WDR20: variants seen among roughly 807,000 people sequenced by gnomAD.
The protein encoded by WDR20 is WD repeat-containing protein 20.
Under a neutral mutation model 38.7 loss-of-function variants are expected in WDR20, and 3 were observed. That is an observed-to-expected ratio of 0.08 (90% CI 0.04 to 0.20). The LOEUF (loss-of-function observed/expected upper bound fraction) is 0.20, where lower values mean the gene tolerates loss of function less well. Ranked by LOEUF, WDR20 falls within the 10% of genes least tolerant of loss-of-function variation. The probability of loss-of-function intolerance (pLI) is 1.00; values close to 1 mark genes in which losing one functional copy is unlikely to be tolerated. For synonymous variants in WDR20, 298 were observed against 285.6 expected, an observed-to-expected ratio of 1.04 and a Z score of -0.44; for missense variants, 559 against 727.7, an observed-to-expected ratio of 0.77 and a Z score of 2.67.
intron 2 of WDR20, among the ~76,000 whole-genome samples, chr14:102,199,600 C>A (rs1026502108): frequency 5.9e-5 from 9 of 152,170 alleles, no homozygotes; most frequent in African/African-American, 2.2e-4. Context: ...TCAGACCCAC[C>A]TGTTACCACA....
chr14:102,189,721 CAGAA>C (rs1353032529), intron 1 of WDR20, among the ~76,000 whole-genome samples: 3 of 152,046 alleles, frequency 2.0e-5, no homozygotes, highest in Non-Finnish European at 4.4e-5. Context: ...TAGAATCTAT[CAGAA>C]AGCTGAAAAA....
chr14:102,217,504 T>TTAA (rs748031935), downstream of WDR20, among the ~76,000 whole-genome samples: 1 of 151,874 alleles, frequency 6.6e-6, no homozygotes, highest in Non-Finnish European at 1.5e-5. Flanking sequence ...AGTGGACAGG[T>TTAA]TAAAGCTGGC....
At chr14:102,151,072 G>A (rs2055617293) in intron 1 of WDR20, among the ~76,000 whole-genome samples, 1 of 151,964 alleles carries the variant, frequency 6.6e-6, no homozygotes, top group Non-Finnish European at 1.5e-5. Context: ...ACTGAACATT[G>A]CCTATTAATA....
chr14:102,204,794 T>A (rs2061208105), intron 2 of WDR20, among the ~76,000 whole-genome samples: 1 of 152,228 alleles, frequency 6.6e-6, no homozygotes, highest in Non-Finnish European at 1.5e-5. Context: ...TACTCACACA[T>A]GTGAAAAGTG....
chr14:102,193,787 G>A (rs2058948774), intron 1 of WDR20, among the ~76,000 whole-genome samples: 1 of 152,192 alleles, frequency 6.6e-6, no homozygotes, highest in Non-Finnish European at 1.5e-5. Flanking sequence ...GAGAACTAGA[G>A]CCGGGAGCCC....
rs2060974898 is a variant in WDR20 at position 102,172,203 on chromosome 14, C to T, written c.250-22735C>T. Among the ~76,000 whole-genome samples, 5 of 151,102 alleles carry T rather than the reference C, an allele frequency of 3.3e-5. 1 individual carries two copies. The highest frequency in any genetic ancestry group is 2.6e-4 in the Admixed American group (4 of 15,162). ...CCCTGAGTGGACACAGCACATGTTT[C>T]AGAGAGCACAGGGTTGGGGGGTAAG... On this transcript the variant is annotated intron_variant, in intron 1 of 2. Transcript: ENST00000342702.
At chr14:102,204,949 T>C (rs1596905305) in intron 2 of WDR20, among the ~76,000 whole-genome samples, 1 of 152,150 alleles carries the variant, frequency 6.6e-6, no homozygotes, top group South Asian at 2.1e-4. Context: ...CAGACTGATG[T>C]ACAAATACAC....
chr14:102,224,605 T>G, downstream of WDR20: 1 of 456,118 alleles, frequency 2.2e-6, no homozygotes, highest in Non-Finnish European at 4.4e-6. Flanking sequence ...TTTCAGGCTT[T>G]TGAGGGGAGG....
intron 1 of WDR20, among the ~76,000 whole-genome samples, chr14:102,181,493 T>A (rs1398991427): frequency 6.6e-6 from 1 of 151,084 alleles, no homozygotes; most frequent in African/African-American, 2.5e-5. Flanking sequence ...TTTTTTTTTT[T>A]AATGACCATT....
chr14:102,153,892 T>TAA (rs2056754695), intron 1 of WDR20, among the ~76,000 whole-genome samples: 1 of 152,230 alleles, frequency 6.6e-6, no homozygotes, highest in Non-Finnish European at 1.5e-5. Context: ...ATCACTCTTT[T>TAA]AAATACCCTT....
intron 1 of WDR20, 111 bp downstream of exon 1, chr14:102,140,283 T>C: frequency 1.3e-6 from 2 of 1,499,398 alleles, no homozygotes; most frequent in Non-Finnish European, 8.9e-7. Flanking sequence ...GCTCTTACTT[T>C]TGAGTGGGCC....
At chr14:102,172,002 G>A (rs1163920596) in intron 1 of WDR20, among the ~76,000 whole-genome samples, 2 of 150,974 alleles carry the variant, frequency 1.3e-5, no homozygotes, top group African/African-American at 2.4e-5. Context: ...AAGGTCAGCA[G>A]ATAAACAAGT....
intron 1 of WDR20, among the ~76,000 whole-genome samples, chr14:102,144,168 C>A (rs771192677): frequency 2.6e-5 from 4 of 152,060 alleles, no homozygotes; most frequent in African/African-American, 9.6e-5. Flanking sequence ...CAGAATGAGA[C>A]CCTTTCTTTA....
At chr14:102,183,234 C>T (rs2063788750) in intron 1 of WDR20, among the ~76,000 whole-genome samples, 3 of 152,178 alleles carry the variant, frequency 2.0e-5, no homozygotes, top group Admixed American at 2.0e-4. Flanking sequence ...TTTCCTCACA[C>T]TAGTATTTGG....
At chr14:102,214,304 TTTAAG>T, downstream of WDR20, 2 of 985,450 alleles carry the variant, frequency 2.0e-6, no homozygotes, top group Non-Finnish European at 2.4e-6. Context: ...CGGGTGTTGC[TTTAAG>T]TTAACAAGGT....
chr14:102,206,772 G>T (rs911879974), intron 2 of WDR20, among the ~76,000 whole-genome samples: 1 of 152,148 alleles, frequency 6.6e-6, no homozygotes, highest in African/African-American at 2.4e-5. Context: ...AAGAGTGCTG[G>T]GGTAGTCTGG....
At chr14:102,169,653 G>A (rs1483011539) in intron 1 of WDR20, among the ~76,000 whole-genome samples, 4 of 151,868 alleles carry the variant, frequency 2.6e-5, no homozygotes, top group Non-Finnish European at 4.4e-5. Context: ...TCAGCCTCCC[G>A]AGTAGCTGGG....
At chr14:102,139,569 G>C (rs1595694582), upstream of WDR20, 1 of 765,428 alleles carries the variant, frequency 1.3e-6, no homozygotes, top group East Asian at 2.7e-5. Flanking sequence ...CAGCCCCGCC[G>C]CGGTTCCCCC....
At chr14:102,139,844 G>T, upstream of WDR20, 2 of 1,562,038 alleles carry the variant, frequency 1.3e-6, no homozygotes, top group South Asian at 1.2e-5. Flanking sequence ...GGGGGTGGGG[G>T]AAGAGGGAGC....
Sources: allele counts gnomAD v4.1 joint callset (sites outside exome capture counted in the v4.1 genomes callset), GRCh38; gene constraint gnomAD v4.1.1; transcripts MANE v1.5; gene names NCBI Gene and HGNC (gene_info 2026-07-23, HGNC 2026-07-21).